ZNF425: variants seen among roughly 807,000 people sequenced by gnomAD.
ZNF425 encodes the protein zinc finger protein 425.
ZNF425 carries 21 observed loss-of-function variants against 17.0 expected under a neutral mutation model. The ratio of observed to expected loss-of-function variants is 1.23; its 90% CI spans 0.88 to 1.78. The LOEUF (loss-of-function observed/expected upper bound fraction) is 1.78, where lower values mean the gene tolerates loss of function less well. Among genes scored for constraint, ZNF425 ranks in the 40% most tolerant of loss-of-function variants. The pLI, the probability that ZNF425 is intolerant of heterozygous loss-of-function variation, is 0.00. For missense variants in ZNF425, 868 were observed against 967.3 expected (o/e 0.90, Z 1.36); for synonymous variants, 433 against 384.1 (o/e 1.13, Z -1.49).
intron 2 of ZNF425, among the ~76,000 whole-genome samples, chr7:149,117,849 T>C (rs1260879422): frequency 4.0e-5 from 6 of 151,784 alleles, no homozygotes; most frequent in African/African-American, 7.3e-5. Flanking sequence ...ACAGGGCTTC[T>C]CCATGTTGAT....
chr7:149,107,906 C>T (rs573894324), intron 3 of ZNF425, among the ~76,000 whole-genome samples: 20 of 151,032 alleles, frequency 1.3e-4, no homozygotes, highest in African/African-American at 4.6e-4. Flanking sequence ...TATGTTGCTG[C>T]CCAGGCTAGA....
intron 2 of ZNF425, among the ~76,000 whole-genome samples, chr7:149,112,897 A>G (rs1379911162): frequency 6.6e-6 from 1 of 151,256 alleles, no homozygotes; most frequent in Non-Finnish European, 1.5e-5. Flanking sequence ...ACTGCTGGGC[A>G]TAAGCAGTCT....
intron 1 of ZNF425, among the ~76,000 whole-genome samples, chr7:149,122,928 C>A (rs139468890): frequency 3.3e-5 from 5 of 152,252 alleles, no homozygotes; most frequent in African/African-American, 1.2e-4. Context: ...CTCCTAACCT[C>A]AGGTGATCTA....
chr7:149,104,339 G>C lies in ZNF425; in HGVS notation c.1532C>G (p.Ser511Trp). ...GACCTTCAGGTGCTGCGTGAGCCGCGACTGCTGAGAAAAGGTCTTTTTGCA... is the reference window on the plus strand; with the variant it reads ...GACCTTCAGGTGCTGCGTGAGCCGCCACTGCTGAGAAAAGGTCTTTTTGCA... ...GECKKTFSQQSRLTQHLKVHT... is the reference protein window; with the variant it reads ...GECKKTFSQQWRLTQHLKVHT... The change falls in exon 4 of 4, where the codon TCG becomes TGG. Residue 511 changes from serine (S) to tryptophan (W), a missense_variant. Transcript: ENST00000378061. This position sits in a 1 kb window ranked among gnomAD's most constrained non-coding sequence, Gnocchi z 4.3. The C allele has an allele frequency of 6.2e-7, 1 of 1,613,202 alleles. No individual in the cohort carries two copies. The highest frequency in any genetic ancestry group is 8.5e-7 in the Non-Finnish European group (1 of 1,179,948).
At chr7:149,114,541 G>C in intron 2 of ZNF425, among the ~76,000 whole-genome samples, 1 of 151,562 alleles carries the variant, frequency 6.6e-6, no homozygotes, top group African/African-American at 2.4e-5. Context: ...GGGATTGCAG[G>C]TGTGCGCCAC....
In ZNF425 at chr7:149,105,397, G is replaced by A. The variant is rs1826064247; in HGVS notation, c.474C>T (p.Val158=). 6.3e-7 allele frequency: 1 copy of A among 1,583,332 alleles called. No individual in the cohort carries two copies. The highest frequency in any genetic ancestry group is 1.4e-5 in the African/African-American group (1 of 73,062). The part of the protein sequence containing the change: ...LRETEILNKK[V]SITAYDPDKK... ...TGTCTGGATCATATGCTGTGATGCT[G>A]ACTTTTTTATTTAGAATCTCTGTTT... Residue 158 remains valine, a synonymous_variant, in exon 4 of 4, where the codon GTC becomes GTT. Transcript: ENST00000378061.
At chr7:149,120,265 C>G (rs898195716) in intron 1 of ZNF425, among the ~76,000 whole-genome samples, 6 of 152,258 alleles carry the variant, frequency 3.9e-5, no homozygotes, top group African/African-American at 1.4e-4. Context: ...GCCTGTAGCC[C>G]CAGCTACTCG....
intron 3 of ZNF425, among the ~76,000 whole-genome samples, chr7:149,107,484 CCCA>C (rs1339771505): frequency 6.6e-6 from 1 of 151,684 alleles, no homozygotes; most frequent in Non-Finnish European, 1.5e-5. Flanking sequence ...ACTACAGGCG[CCCA>C]CCACCACGCC....
chr7:149,109,728 G>A (rs1432220245), intron 3 of ZNF425, among the ~76,000 whole-genome samples: 3 of 152,034 alleles, frequency 2.0e-5, no homozygotes, highest in Non-Finnish European at 4.4e-5. Context: ...TTATTCATAT[G>A]TATACATACA....
chr7:149,118,175 C>T, intron 2 of ZNF425, 47 bp downstream of exon 2: 1 of 1,612,266 alleles, frequency 6.2e-7, no homozygotes, highest in African/African-American at 1.3e-5. Flanking sequence ...AAGCCTGGTA[C>T]TATTAGGTTG....
intron 2 of ZNF425, among the ~76,000 whole-genome samples, chr7:149,114,241 TTTTG>T (rs1405532265): frequency 0.075 from 2,946 of 39,248 alleles, 93 homozygotes; most frequent in African/African-American, 0.12. Context: ...TTTTTTTTTT[TTTTG>T]GTATTTTTAG....
At position 149,104,398 on chromosome 7, in the gene ZNF425, G is replaced by T. The variant is rs61737625; in HGVS notation, c.1473C>A (p.Val491=). 7.0e-3 allele frequency: 11,309 copies of T among 1,608,284 alleles called. 50 individuals are homozygous for T. Among genetic ancestry groups the T allele is most frequent in the African/African-American group, 0.022 (1,680 of 74,882 alleles). ...AGGGAAACTCCTTCTGCCTGTCGTG[G>T]ACTCTGGTGTGGCAGGCGAGCTTGG... ...RPSKLACHTR[V]HDRQKEFPCG... is the part of the protein sequence containing the mutation. The change falls in exon 4 of 4, where the codon GTC becomes GTA. Residue 491 remains valine, a synonymous_variant. Coordinates refer to ENST00000378061, the MANE Select transcript of ZNF425 (RefSeq NM_001001661.3). This position sits in a 1 kb window ranked among gnomAD's most constrained non-coding sequence, Gnocchi z 4.3.
At chr7:149,125,896 A>G in intron 1 of ZNF425, 1 of 572,320 alleles carries the variant, frequency 1.7e-6, no homozygotes, top group South Asian at 2.0e-5. Flanking sequence ...GACCTAGCGC[A>G]TATACAGCGC....
chr7:149,107,745 A>C lies in ZNF425; in HGVS notation c.305-2179T>G, dbSNP rs893608944. On this transcript the variant is annotated intron_variant, in intron 3 of 3. Transcript: ENST00000378061. ...TCATTATTACCCACTAGATCTGGAAAGGACCATTGCAGATATTCACTTAAG... is the reference window on the plus strand; with the variant it reads ...TCATTATTACCCACTAGATCTGGAACGGACCATTGCAGATATTCACTTAAG... Among the ~76,000 whole-genome samples the C allele has an allele frequency of 3.3e-5, 5 of 152,230 alleles. No individual in the cohort carries two copies. In the East Asian group the frequency reaches 9.6e-4, roughly 29 times the overall value.
chr7:149,105,248 T>C lies in ZNF425; in HGVS notation c.623A>G (p.His208Arg), dbSNP rs1199869781. 1 of 1,614,224 alleles carries C rather than the reference T, an allele frequency of 6.2e-7. No individual in the cohort carries two copies. ...VFQVRRDLLK[H>R]KRSHSKSQLC... ...CTGGCTCTTGGAGTGGCTCCGTTTG[T>C]GCTTTAGCAAATCCCTCCTTACTTG... Residue 208 changes from histidine (H) to arginine (R), a missense_variant, in exon 4 of 4, where the codon CAC becomes CGC. Physicochemically the swap from His to Arg is conservative, Grantham distance 29. This residue lies in a region of ZNF425 where 243 missense variants were observed against 265.2 expected (regional missense o/e 0.92). Coordinates refer to ENST00000378061, the MANE Select transcript of ZNF425 (RefSeq NM_001001661.3).
At chr7:149,117,642 CTTTTTTTTTTTT>C (rs869026303) in intron 2 of ZNF425, among the ~76,000 whole-genome samples, 2 of 54,960 alleles carry the variant, frequency 3.6e-5, no homozygotes, top group Admixed American at 3.4e-4. Context: ...CTTAGTAATT[CTTTTTTTTTTTT>C]TTTTTTTTTT....
chr7:149,105,250 C>T lies in ZNF425; in HGVS notation c.621G>A (p.Lys207=), dbSNP rs780388683. The T allele has an allele frequency of 3.1e-6, 5 of 1,614,070 alleles. No individual in the cohort carries two copies. Among genetic ancestry groups the T allele is most frequent in the Admixed American group, 3.3e-5 (2 of 59,988 alleles). The part of the protein sequence containing the change: ...KVFQVRRDLL[K]HKRSHSKSQL... The stretch of plus-strand genomic sequence containing the variant: ...GGCTCTTGGAGTGGCTCCGTTTGTG[C>T]TTTAGCAAATCCCTCCTTACTTGGA... The change falls in exon 4 of 4, where the codon AAG becomes AAA. Residue 207 remains lysine, a synonymous_variant. Transcript: ENST00000378061.
intron 3 of ZNF425, among the ~76,000 whole-genome samples, chr7:149,105,807 C>T (rs991555706): frequency 4.6e-5 from 7 of 151,952 alleles, no homozygotes; most frequent in Admixed American, 2.0e-4. Context: ...CCCGCCACCA[C>T]GCCCGGCTAA....
At chr7:149,126,134 A>C (rs370530256) in intron 1 of ZNF425, 62 bp downstream of exon 1, 2 of 1,610,824 alleles carry the variant, frequency 1.2e-6, no homozygotes, top group Non-Finnish European at 8.5e-7. Flanking sequence ...GCGGACCCCA[A>C]TCCAGCTGCG....
Sources: allele counts gnomAD v4.1 joint callset (sites outside exome capture counted in the v4.1 genomes callset), GRCh38; gene constraint gnomAD v4.1.1; regional missense constraint gnomAD v4.1.1; non-coding constraint Gnocchi (gnomAD v3.1); transcripts MANE v1.5; gene names NCBI Gene and HGNC (gene_info 2026-07-23, HGNC 2026-07-21).